Variants in NR2C2 observed in about 807,000 individuals in gnomAD.
NR2C2 encodes Nuclear hormone receptor TR4.
In NR2C2, 6 loss-of-function variants were observed where a neutral mutation model predicts 62.9. That is an observed-to-expected ratio of 0.10 (90% CI 0.05 to 0.19). The LOEUF (loss-of-function observed/expected upper bound fraction) is 0.19. Ranked by LOEUF, NR2C2 falls within the 10% of genes least tolerant of loss-of-function variation. The pLI is 1.00. For synonymous variants in NR2C2, 272 were observed against 273.8 expected, an observed-to-expected ratio of 0.99 and a Z score of 0.07; for missense variants, 479 against 762.7, an observed-to-expected ratio of 0.63 and a Z score of 4.38.
chr3:15,016,095 C>G, intron 3 of NR2C2, 57 bp from the exon 4 acceptor site: 1 of 1,351,832 alleles, frequency 7.4e-7, no homozygotes, highest in Non-Finnish European at 1.1e-6. Context: ...AGCCACCGTG[C>G]CCGGCAGTGA....
intron 1 of NR2C2, among the ~76,000 whole-genome samples, chr3:14,967,010 AT>A (rs2039876846): frequency 6.6e-6 from 1 of 152,124 alleles, no homozygotes. Flanking sequence ...TTTTCAGGTA[AT>A]TTTTGGATTA....
chr3:14,988,602 C>T (rs997351708), intron 1 of NR2C2, among the ~76,000 whole-genome samples: 10 of 152,188 alleles, frequency 6.6e-5, no homozygotes, highest in South Asian at 4.1e-4. Context: ...TTTACACATA[C>T]GTAAAGCACA....
intron 1 of NR2C2, among the ~76,000 whole-genome samples, chr3:14,969,187 T>C (rs1471976069): frequency 6.6e-6 from 1 of 151,006 alleles, no homozygotes; most frequent in East Asian, 1.9e-4. Flanking sequence ...ACTGGAAATT[T>C]AAAGCAGACA....
At position 15,038,228 on chromosome 3, in the gene NR2C2, A is replaced by G. The variant is rs1289985719; in HGVS notation, c.1510+91A>G. On this transcript the variant is annotated intron_variant, in intron 12 of 13. Transcript: ENST00000425241. ...ACATGTTGTCATCATTGGTGTAGAA[A>G]GAGCCCTGCAGATTGTATGTGACCT... The G allele has an allele frequency of 6.0e-6, 8 of 1,327,896 alleles. No individual in the cohort carries two copies. In the African/African-American group the frequency reaches 1.0e-4, roughly 17 times the overall value. The allele number at this position is 1,327,896 out of a possible 1,614,324, so 82.3% of individuals were successfully genotyped here.
chr3:14,973,992 A>C (rs1336113417), intron 1 of NR2C2, among the ~76,000 whole-genome samples: 1 of 152,186 alleles, frequency 6.6e-6, no homozygotes, highest in African/African-American at 2.4e-5. Flanking sequence ...GTCTCTGTAT[A>C]CAGTTCAGTA....
intron 2 of NR2C2, among the ~76,000 whole-genome samples, chr3:15,010,063 G>A (rs2124968174): frequency 6.6e-6 from 1 of 152,252 alleles, no homozygotes; most frequent in Middle Eastern, 3.4e-3. Flanking sequence ...ATAGATACTG[G>A]GAATTATGGC....
chr3:14,948,562 C>G (rs1375548031), intron 1 of NR2C2: 1 of 133,406 alleles, frequency 7.5e-6, no homozygotes, highest in African/African-American at 2.8e-5. Context: ...GGAGTAGAGG[C>G]CGGGGCGAAG....
chr3:15,041,277 C>T (rs924123789), intron 13 of NR2C2, among the ~76,000 whole-genome samples: 2 of 151,954 alleles, frequency 1.3e-5, no homozygotes, highest in Admixed American at 6.5e-5. Flanking sequence ...TTGATTATTC[C>T]TCCTGAAATG....
chr3:14,967,698 G>A (rs970971812), intron 1 of NR2C2, among the ~76,000 whole-genome samples: 1 of 152,010 alleles, frequency 6.6e-6, no homozygotes, highest in African/African-American at 2.4e-5. Flanking sequence ...TTTCTAAAGG[G>A]GCTTCAGTAT....
At chr3:14,980,485 G>C (rs1171714727) in intron 1 of NR2C2, among the ~76,000 whole-genome samples, 1 of 152,072 alleles carries the variant, frequency 6.6e-6, no homozygotes, top group African/African-American at 2.4e-5. Context: ...TCTTAAGAAT[G>C]GGAAAGCAAG....
At chr3:14,976,545 C>CCTTTA (rs530667638) in intron 1 of NR2C2, among the ~76,000 whole-genome samples, 1 of 150,376 alleles carries the variant, frequency 6.6e-6, no homozygotes, top group South Asian at 2.1e-4. Context: ...CAGCTGTCAT[C>CCTTTA]CTTTACTTCT....
intron 6 of NR2C2, 49 bp downstream of exon 6, chr3:15,023,396 G>A (rs2041730408): frequency 5.0e-6 from 8 of 1,602,764 alleles, no homozygotes; most frequent in Middle Eastern, 1.7e-4. Context: ...TGATGGAGGA[G>A]GCACAGACGT....
intron 7 of NR2C2, 59 bp downstream of exon 7, chr3:15,024,267 TCTAA>T (rs1008251993): frequency 7.6e-6 from 9 of 1,189,056 alleles, no homozygotes; most frequent in Non-Finnish European, 1.1e-5. Context: ...AGGCTGCTTC[TCTAA>T]CTGTGTGCAC....
chr3:15,040,837 A>G (rs558706634), intron 13 of NR2C2, among the ~76,000 whole-genome samples: 25 of 152,340 alleles, frequency 1.6e-4, no homozygotes, highest in Admixed American at 1.0e-3. Flanking sequence ...TTATACATCC[A>G]GCCAGGTATA....
chr3:14,986,359 AC>A (rs1347278281), intron 1 of NR2C2, among the ~76,000 whole-genome samples: 2 of 152,208 alleles, frequency 1.3e-5, no homozygotes, highest in Non-Finnish European at 2.9e-5. Flanking sequence ...CTAAGAAGAT[AC>A]AATTGTTTTG....
At chr3:14,976,189 A>T (rs1422228346) in intron 1 of NR2C2, among the ~76,000 whole-genome samples, 3 of 152,118 alleles carry the variant, frequency 2.0e-5, no homozygotes, top group African/African-American at 4.8e-5. Flanking sequence ...GTACTAGTTT[A>T]TAATCTTTTC....
chr3:15,027,369 G>C (rs1249603820), intron 7 of NR2C2, among the ~76,000 whole-genome samples: 3 of 152,226 alleles, frequency 2.0e-5, no homozygotes, highest in Admixed American at 6.5e-5. Flanking sequence ...CATTTGTGTT[G>C]TACCACTTTA....
At position 14,954,326 on chromosome 3, in the gene NR2C2, G is replaced by A. The variant is rs189428110; in HGVS notation, c.-40+6420G>A. Among the ~76,000 whole-genome samples the A allele has an allele frequency of 2.7e-3, 410 of 151,970 alleles. 1 individual carries two copies. Among genetic ancestry groups the A allele is most frequent in the African/African-American group, 9.5e-3 (393 of 41,468 alleles). Reference sequence around the variant, plus strand: ...AAAGAAATAAACAATGTACTTTCTCGAGAATAAAAATTAAAAATAGATAAA... The same window carrying A: ...AAAGAAATAAACAATGTACTTTCTCAAGAATAAAAATTAAAAATAGATAAA... On this transcript the variant is annotated intron_variant, in intron 1 of 13. Transcript: ENST00000425241.
At position 14,968,876 on chromosome 3, in the gene NR2C2, A is replaced by C. The variant is rs575842594; in HGVS notation, c.-40+20970A>C. ...TGGAAATCATCATTCTCAGTAAACT[A>C]TCGCAAGAACAAAAAACCAAACACC... On this transcript the variant is annotated intron_variant, in intron 1 of 13. Coordinates refer to ENST00000425241, the MANE Select transcript of NR2C2 (RefSeq NM_001291694.2). Among the ~76,000 whole-genome samples, 190 of 146,626 alleles carry C rather than the reference A, an allele frequency of 1.3e-3. 2 individuals are homozygous for C. Among genetic ancestry groups the C allele is most frequent in the African/African-American group, 4.8e-3 (190 of 39,398 alleles).
Sources: gnomAD v4.1 joint callset for allele counts (sites outside exome capture counted in the v4.1 genomes callset) on GRCh38, gnomAD v4.1.1 for gene constraint, MANE v1.5 for transcripts, NCBI Gene and HGNC (gene_info 2026-07-23, HGNC 2026-07-21) for gene names.